Variants in HABP2 observed in about 807,000 individuals in gnomAD.
The protein encoded by HABP2 is hyaluronan binding protein 2.
HABP2 carries 65 observed loss-of-function variants against 66.5 expected under a neutral mutation model. The ratio of observed to expected loss-of-function variants is 0.98; its 90% CI spans 0.80 to 1.20. The LOEUF (loss-of-function observed/expected upper bound fraction) is 1.20, where lower values mean the gene tolerates loss of function less well. Among genes scored for constraint, HABP2 ranks in the 50% most tolerant of loss-of-function variants. The pLI is 0.00. For missense variants in HABP2, 786 were observed against 691.0 expected, an observed-to-expected ratio of 1.14 and a Z score of -1.54; for synonymous variants, 263 against 253.9, an observed-to-expected ratio of 1.04 and a Z score of -0.34.
chr10:113,578,453 G>A (rs762377110), intron 6 of HABP2, among the ~76,000 whole-genome samples, 174 bp from the exon 7 acceptor site: 7 of 152,186 alleles, frequency 4.6e-5, no homozygotes, highest in Non-Finnish European at 8.8e-5. Flanking sequence ...CATGTTTTAA[G>A]CAGGATTAAA....
intron 2 of HABP2, among the ~76,000 whole-genome samples, chr10:113,571,349 G>A (rs1845306356): frequency 6.6e-6 from 1 of 152,196 alleles, no homozygotes; most frequent in Non-Finnish European, 1.5e-5. Context: ...TTGTCCACAT[G>A]TTCTCATTTG....
chr10:113,578,885 A>T (rs1845467249), intron 7 of HABP2, 87 bp downstream of exon 7: 1 of 912,934 alleles, frequency 1.1e-6, no homozygotes, highest in Non-Finnish European at 1.8e-6. Flanking sequence ...CTTTCTAGGA[A>T]GATTTTCTTA....
chr10:113,581,601 T>C (rs1252079523), intron 8 of HABP2, among the ~76,000 whole-genome samples: 2 of 152,244 alleles, frequency 1.3e-5, no homozygotes, highest in Admixed American at 6.5e-5. Context: ...AAACATAATG[T>C]GTGTGTGTAC....
Position 113,583,941 on chromosome 10 carries a change from G to A in HABP2, c.1238-207G>A, listed in dbSNP as rs911704. On this transcript the variant is annotated intron_variant, in intron 10 of 12. Coordinates refer to ENST00000351270, the MANE Select transcript of HABP2 (RefSeq NM_004132.5). ...ATTAGAAATGATTTCAAAGTCAATT[G>A]TCATTTCTTGACATGACTCTCGCCC... is the stretch of plus-strand genomic sequence containing the variant. 0.22 allele frequency among the ~76,000 whole-genome samples: 33,582 copies of A among 152,056 alleles called. 4,049 individuals carry two copies. Among genetic ancestry groups the A allele is most frequent in the East Asian group, 0.43 (2,216 of 5,168 alleles).
rs1220765606 is a variant in HABP2 at position 113,553,058 on chromosome 10, CT to C, written c.-63del. 5 of 1,229,592 alleles carry C rather than the reference CT, an allele frequency of 4.1e-6. No individual in the cohort carries two copies. Among genetic ancestry groups the C allele is most frequent in the Admixed American group, 3.4e-5 (2 of 58,734 alleles). 76.2% of individuals were successfully genotyped at this position (1,229,592 alleles called of 1,614,324 possible). A position where few individuals can be genotyped will look rare whatever the true frequency, so the allele number is the denominator to read the frequency against. On this transcript the variant is annotated 5_prime_UTR_variant, in exon 1 of 13. Coordinates refer to ENST00000351270, the MANE Select transcript of HABP2 (RefSeq NM_004132.5). ...CCTTGGAGACTGACATTTTTCCCCC[CT>C]AAAGGCATAGACAACAAAAGAAATT...
At chr10:113,554,641 G>A (rs954810314) in intron 1 of HABP2, among the ~76,000 whole-genome samples, 1 of 152,312 alleles carries the variant, frequency 6.6e-6, no homozygotes, top group African/African-American at 2.4e-5. Context: ...GAGAAAGGCA[G>A]GAGAAATCAT....
At chr10:113,566,170 G>A (rs1845194010) in intron 1 of HABP2, among the ~76,000 whole-genome samples, 1 of 152,192 alleles carries the variant, frequency 6.6e-6, no homozygotes, top group African/African-American at 2.4e-5. Context: ...AAGACCCAAA[G>A]GGAAAGCTGT....
At chr10:113,584,400 C>T in intron 11 of HABP2, 118 bp downstream of exon 11, 1 of 819,930 alleles carries the variant, frequency 1.2e-6, no homozygotes, top group South Asian at 1.6e-5. Context: ...ATGCATCAAC[C>T]AAAGAAAGCA....
At chr10:113,556,185 AGCTT>A (rs1844987359) in intron 1 of HABP2, among the ~76,000 whole-genome samples, 1 of 152,248 alleles carries the variant, frequency 6.6e-6, no homozygotes, top group Admixed American at 6.5e-5. Flanking sequence ...GCAAATTGGC[AGCTT>A]GAAATACACT....
At chr10:113,581,128 G>A (rs963894372) in intron 8 of HABP2, among the ~76,000 whole-genome samples, 8 of 152,128 alleles carry the variant, frequency 5.3e-5, no homozygotes, top group Non-Finnish European at 1.0e-4. Context: ...CTAGAATGAT[G>A]TGCCCTTCCA....
chr10:113,573,685 G>A (rs1011481452), intron 2 of HABP2, among the ~76,000 whole-genome samples: 1 of 152,232 alleles, frequency 6.6e-6, no homozygotes, highest in Non-Finnish European at 1.5e-5. Flanking sequence ...TGCATGTAAA[G>A]TGCTTAGCAC....
intron 10 of HABP2, 121 bp downstream of exon 10, chr10:113,583,479 G>C: frequency 1.3e-6 from 1 of 799,404 alleles, no homozygotes; most frequent in Non-Finnish European, 2.1e-6. Flanking sequence ...TGTGGACCCT[G>C]TGCGGTAGGG....
In HABP2 at chr10:113,578,622, C is replaced by T. The variant is rs769982239; in HGVS notation, c.569-5C>T. The T allele has an allele frequency of 8.7e-6, 14 of 1,607,886 alleles. No individual in the cohort carries two copies. The East Asian group carries it at 2.2e-4, about 26-fold the overall frequency. On this transcript the variant is annotated splice_region_variant and splice_polypyrimidine_tract_variant and intron_variant, in intron 6 of 12. Coordinates refer to ENST00000351270, the MANE Select transcript of HABP2 (RefSeq NM_004132.5). ...GTTCTCACATTGCTACCTGCTCTCT[C>T]GGAGGTTCTGATGACTGCTATGTTG... is the stretch of plus-strand genomic sequence containing the variant.
chr10:113,553,087 A>T lies in HABP2; in HGVS notation c.-35A>T, dbSNP rs771019138. On this transcript the variant is annotated 5_prime_UTR_variant, in exon 1 of 13. Transcript: ENST00000351270. Reference sequence around the variant, plus strand: ...AGGCATAGACAACAAAAGAAATTTTATTGAGAGGAAAACACAAGTCCTTAA... The same window carrying T: ...AGGCATAGACAACAAAAGAAATTTTTTTGAGAGGAAAACACAAGTCCTTAA... The T allele has an allele frequency of 3.2e-6, 5 of 1,551,992 alleles. No individual in the cohort carries two copies. In the South Asian group the frequency reaches 5.6e-5, roughly 17 times the overall value.
chr10:113,579,138 A>G (rs1845472636), intron 7 of HABP2, among the ~76,000 whole-genome samples: 1 of 151,596 alleles, frequency 6.6e-6, no homozygotes, highest in Admixed American at 6.6e-5. Flanking sequence ...CAGCACCTGT[A>G]GCCCCAGCTA....
At chr10:113,582,499 T>C (rs533730262) in intron 9 of HABP2, among the ~76,000 whole-genome samples, 15 of 152,172 alleles carry the variant, frequency 9.9e-5, no homozygotes, top group Non-Finnish European at 2.2e-4. Flanking sequence ...TATTCCCTTT[T>C]TGTAAGTGAG....
intron 12 of HABP2, 25 bp downstream of exon 12, chr10:113,585,963 T>C: frequency 6.2e-7 from 1 of 1,609,594 alleles, no homozygotes; most frequent in East Asian, 2.2e-5. Flanking sequence ...GTGGTGCTTG[T>C]GGTAGGAGAG....
intron 12 of HABP2, among the ~76,000 whole-genome samples, chr10:113,586,830 A>G (rs565430770): frequency 6.6e-6 from 1 of 152,284 alleles, no homozygotes; most frequent in African/African-American, 2.4e-5. Flanking sequence ...CGTACAAAGG[A>G]ACCCACAATG....
At chr10:113,565,436 G>C (rs1309935109) in intron 1 of HABP2, among the ~76,000 whole-genome samples, 1 of 152,178 alleles carries the variant, frequency 6.6e-6, no homozygotes, top group African/African-American at 2.4e-5. Flanking sequence ...ATGGCAAAAG[G>C]GAAAGGGGAG....
Sources: gnomAD v4.1 joint callset for allele counts (sites outside exome capture counted in the v4.1 genomes callset) on GRCh38, gnomAD v4.1.1 for gene constraint, MANE v1.5 for transcripts, NCBI Gene and HGNC (gene_info 2026-07-23, HGNC 2026-07-21) for gene names.